The following KANSL2 variants were observed in gnomAD, a reference collection of about 807,000 sequenced individuals.
KANSL2 encodes KAT8 regulatory NSL complex subunit 2.
In KANSL2, 34 loss-of-function variants were observed where a neutral mutation model predicts 55.6. That is an observed-to-expected ratio of 0.61 (90% CI 0.46 to 0.81). The LOEUF (loss-of-function observed/expected upper bound fraction) is 0.81, where lower values mean the gene tolerates loss of function less well. Among genes scored for constraint, KANSL2 ranks in the 40% least tolerant of loss-of-function variants. The pLI, the probability that KANSL2 is intolerant of heterozygous loss-of-function variation, is 0.00. For missense variants in KANSL2, 502 were observed against 609.9 expected, an observed-to-expected ratio of 0.82 and a Z score of 1.86; for synonymous variants, 209 against 214.3, an observed-to-expected ratio of 0.98 and a Z score of 0.22.
At chr12:48,658,169 T>C (rs1939425096) in intron 8 of KANSL2, among the ~76,000 whole-genome samples, 1 of 152,124 alleles carries the variant, frequency 6.6e-6, no homozygotes, top group Middle Eastern at 3.4e-3. Context: ...AGGCAGACAG[T>C]GCAGTGAGCC....
Position 48,681,656 on chromosome 12 carries a change from G to C in KANSL2, c.-9-15C>G, listed in dbSNP as rs1314531868. ...ATAACCAAAACCTGCGGGGTCAAAC[G>C]AAAGACCAAAAAGCCCTTACCCTTC... On this transcript the variant is annotated splice_polypyrimidine_tract_variant and intron_variant, in intron 1 of 9. Coordinates refer to ENST00000420613, the MANE Select transcript of KANSL2 (RefSeq NM_017822.4). 2 of 1,613,808 alleles carry C rather than the reference G, an allele frequency of 1.2e-6. No homozygotes were observed.
At chr12:48,682,144 G>A (rs1166032109) in intron 1 of KANSL2, 43 bp downstream of exon 1, 1 of 702,452 alleles carries the variant, frequency 1.4e-6, no homozygotes, top group Non-Finnish European at 2.6e-6. Flanking sequence ...CGAAATAGCA[G>A]CCCAACCGCA....
In KANSL2 at chr12:48,653,858, G is replaced by C. The variant is rs756170220; in HGVS notation, c.*186C>G. 15 of 492,180 alleles carry C rather than the reference G, an allele frequency of 3.0e-5. 1 individual carries two copies. The highest frequency in any genetic ancestry group is 6.0e-5 in the African/African-American group (3 of 50,058). The allele number at this position is 492,180 out of a possible 1,614,324, so 30.5% of individuals were successfully genotyped here. ...GGGATTATCTCTCTTTCTCTTCCTT[G>C]CCCTGAGTGGGAAGAAACCCACGGT... is the stretch of plus-strand genomic sequence containing the variant. On this transcript the variant is annotated 3_prime_UTR_variant, in exon 10 of 10. Coordinates refer to ENST00000420613, the MANE Select transcript of KANSL2 (RefSeq NM_017822.4).
intron 2 of KANSL2, 140 bp from the exon 3 acceptor site, chr12:48,679,973 T>G: frequency 1.4e-6 from 1 of 736,892 alleles, no homozygotes; most frequent in Non-Finnish European, 2.2e-6. Context: ...GTCAGAGGAA[T>G]TTAACTGGCC....
At chr12:48,679,393 C>T (rs1939881129) in intron 3 of KANSL2, among the ~76,000 whole-genome samples, 1 of 152,124 alleles carries the variant, frequency 6.6e-6, no homozygotes, top group Non-Finnish European at 1.5e-5. Flanking sequence ...CTTAAAATTA[C>T]TGTTTCCTGA....
intron 4 of KANSL2, 23 bp downstream of exon 4, chr12:48,679,013 C>A: frequency 1.3e-6 from 2 of 1,500,928 alleles, no homozygotes; most frequent in South Asian, 1.1e-5. Flanking sequence ...ATTTCAAATG[C>A]CTTATGTGGA....
chr12:48,663,615 A>G (rs1669949174), intron 7 of KANSL2, among the ~76,000 whole-genome samples: 1 of 152,142 alleles, frequency 6.6e-6, no homozygotes, highest in Non-Finnish European at 1.5e-5. Context: ...ATCCACTTCC[A>G]TTTAATAAAC....
chr12:48,677,224 G>C (rs1051646127), intron 4 of KANSL2, among the ~76,000 whole-genome samples: 4 of 152,162 alleles, frequency 2.6e-5, no homozygotes, highest in Admixed American at 1.3e-4. Context: ...CTCTAGGAGA[G>C]AGTGACATCA....
Position 48,671,820 on chromosome 12 carries a change from T to G in KANSL2, c.688A>C (p.Lys230Gln), listed in dbSNP as rs1465796808. ...TTGCCTAGAGCTTCATGTTCCACTT[T>G]GCGATTATGTAAGTATCGGCGCTTC... ...EKKRRYLHNR[K>Q]VEHEALGSSL... The change falls in exon 5 of 10, where the codon AAA becomes CAA. Residue 230 changes from lysine (K) to glutamine (Q), a missense_variant. Transcript: ENST00000420613. 8 of 1,612,066 alleles carry G rather than the reference T, an allele frequency of 5.0e-6. No homozygotes were observed. The highest frequency in any genetic ancestry group is 3.4e-5 in the Admixed American group (2 of 59,666).
chr12:48,677,548 G>A (rs557218708), intron 4 of KANSL2, among the ~76,000 whole-genome samples: 5 of 152,200 alleles, frequency 3.3e-5, no homozygotes, highest in East Asian at 1.9e-4. Context: ...TTGGGAGGCC[G>A]AGGCAGGTGA....
Position 48,655,693 on chromosome 12 carries a change from G to A in KANSL2, c.1228-633C>T, listed in dbSNP as rs540414619. ...AAAGTACAAAGTTTCTGTTTGGGTTGATGAAAAAGTTCTGGAACAGAAAAT... is the reference window on the plus strand; with the variant it reads ...AAAGTACAAAGTTTCTGTTTGGGTTAATGAAAAAGTTCTGGAACAGAAAAT... On this transcript the variant is annotated intron_variant, in intron 8 of 9. Transcript: ENST00000420613. Among the ~76,000 whole-genome samples, 11 of 152,290 alleles carry A rather than the reference G, an allele frequency of 7.2e-5. No individual in the cohort carries two copies. In the South Asian group the frequency reaches 2.3e-3, roughly 32 times the overall value.
At chr12:48,681,671 C>CCTTA in intron 1 of KANSL2, 30 bp from the exon 2 acceptor site, 1 of 1,613,578 alleles carries the variant, frequency 6.2e-7, no homozygotes, top group South Asian at 1.1e-5. Flanking sequence ...ACCAAAAAGC[C>CCTTA]CTTACCCTTC....
At chr12:48,656,512 T>C (rs893694857) in intron 8 of KANSL2, 43 of 320,604 alleles carry the variant, frequency 1.3e-4, no homozygotes, top group African/African-American at 7.7e-4. Context: ...CGACCAGTGA[T>C]TGGCCCACCT....
chr12:48,675,786 G>A (rs962471038), intron 4 of KANSL2, among the ~76,000 whole-genome samples: 4 of 152,014 alleles, frequency 2.6e-5, no homozygotes, highest in African/African-American at 4.8e-5. Flanking sequence ...TTTCAGAGCC[G>A]GACATTAAAA....
At chr12:48,671,659 GC>G in intron 5 of KANSL2, 139 bp downstream of exon 5, 1 of 834,234 alleles carries the variant, frequency 1.2e-6, no homozygotes, top group Non-Finnish European at 1.9e-6. Flanking sequence ...ACCTACGTTA[GC>G]GTGAGTCACT....
intron 5 of KANSL2, among the ~76,000 whole-genome samples, chr12:48,671,192 G>C (rs970873514): frequency 1.3e-5 from 2 of 150,762 alleles, no homozygotes; most frequent in Non-Finnish European, 2.9e-5. Context: ...TTGAACCTAG[G>C]AAGCAGAGGT....
At chr12:48,663,845 C>G (rs547365723) in intron 7 of KANSL2, among the ~76,000 whole-genome samples, 72 of 151,718 alleles carry the variant, frequency 4.7e-4, no homozygotes, top group African/African-American at 1.3e-3. Context: ...GGGTCAGCAC[C>G]CTAACCCCAT....
At chr12:48,682,091 A>G (rs1259124372) in intron 1 of KANSL2, 96 bp downstream of exon 1, 6 of 702,916 alleles carry the variant, frequency 8.5e-6, no homozygotes, top group South Asian at 5.9e-5. Context: ...TGACTCTGAC[A>G]CTGCTTTGAG....
At chr12:48,666,837 T>C (rs1283600951) in intron 7 of KANSL2, among the ~76,000 whole-genome samples, 1 of 152,176 alleles carries the variant, frequency 6.6e-6, no homozygotes, top group Admixed American at 6.5e-5. Context: ...ACTGAGCCAC[T>C]GCACTCCAGC....
Sources: gnomAD v4.1 joint callset for allele counts (sites outside exome capture counted in the v4.1 genomes callset) on GRCh38, gnomAD v4.1.1 for gene constraint, MANE v1.5 for transcripts, NCBI Gene and HGNC (gene_info 2026-07-23, HGNC 2026-07-21) for gene names.